NELFB: variants seen among roughly 807,000 people sequenced by gnomAD.
NELFB encodes the protein negative elongation factor B.
In NELFB, 34 loss-of-function variants were observed where a neutral mutation model predicts 60.2. That is an observed-to-expected ratio of 0.56 (90% CI 0.43 to 0.75). NELFB has a LOEUF of 0.75. Ranked by LOEUF, NELFB falls within the 30% of genes least tolerant of loss-of-function variation. NELFB has a pLI of 0.00. For synonymous variants in NELFB, 459 were observed against 382.1 expected (o/e 1.20, Z -2.35); for missense variants, 770 against 831.6 (o/e 0.93, Z 0.91).
intron 9 of NELFB, 59 bp downstream of exon 9, chr9:137,267,145 C>T (rs1830529773): frequency 3.7e-6 from 6 of 1,612,242 alleles, no homozygotes; most frequent in Non-Finnish European, 5.1e-6. Context: ...GCACTGTTGC[C>T]CAGGGGGCTG....
chr9:137,271,423 C>T (rs891234385), intron 10 of NELFB, among the ~76,000 whole-genome samples: 2 of 152,284 alleles, frequency 1.3e-5, no homozygotes, highest in African/African-American at 4.8e-5. Context: ...AGGCATCAGT[C>T]TGCAGGCGGC....
chr9:137,257,145 C>T, intron 4 of NELFB, 91 bp downstream of exon 4: 2 of 1,112,234 alleles, frequency 1.8e-6, no homozygotes, highest in Non-Finnish European at 2.6e-6. Context: ...ACTCTGCTGC[C>T]CTGTGAATGA....
intron 5 of NELFB, 122 bp downstream of exon 5, chr9:137,263,344 GCCCT>G (rs1165398888): frequency 2.6e-4 from 191 of 741,890 alleles, no homozygotes; most frequent in East Asian, 5.2e-4. Context: ...AGGTAGCGCT[GCCCT>G]CCCTCCCTCC....
At chr9:137,262,498 G>A (rs1830461371) in intron 4 of NELFB, among the ~76,000 whole-genome samples, 1 of 152,224 alleles carries the variant, frequency 6.6e-6, no homozygotes, top group Non-Finnish European at 1.5e-5. Context: ...CCTAGATTAT[G>A]ATTGTAGAGC....
In NELFB at chr9:137,263,159, G is replaced by A. The variant is rs772954761; in HGVS notation, c.864G>A (p.Glu288=). 2.5e-6 allele frequency: 4 copies of A among 1,613,886 alleles called. No individual in the cohort carries two copies. The highest frequency in any genetic ancestry group is 3.3e-5 in the Admixed American group (2 of 60,014). ...TGCACTACTGCACGCTGCGGGCTGA[G>A]CTGCTCATGTCCCTGCACGACCTGG... Residue 288 remains glutamate, a synonymous_variant, in exon 5 of 13, where the codon GAG becomes GAA. Transcript: ENST00000343053.
intron 3 of NELFB, 145 bp downstream of exon 3, chr9:137,256,573 C>T (rs1837555003): frequency 2.5e-6 from 2 of 807,580 alleles, no homozygotes; most frequent in Non-Finnish European, 4.0e-6. Context: ...TCTGTGCTGA[C>T]TTCTCCCACA....
intron 4 of NELFB, among the ~76,000 whole-genome samples, chr9:137,257,345 T>C (rs1197431832): frequency 1.3e-5 from 2 of 152,258 alleles, no homozygotes; most frequent in African/African-American, 2.4e-5. Flanking sequence ...TTCTTTTTCT[T>C]TGAGACGGAG....
chr9:137,267,248 A>C lies in NELFB; in HGVS notation c.1391A>C (p.Gln464Pro). 1 of 1,612,268 alleles carries C rather than the reference A, an allele frequency of 6.2e-7. No individual in the cohort carries two copies. Among genetic ancestry groups the C allele is most frequent in the Non-Finnish European group, 8.5e-7 (1 of 1,178,854 alleles). The change falls in exon 10 of 13, where the codon CAG becomes CCG. Residue 464 changes from glutamine to proline, a missense_variant. By Grantham distance (76) the Gln-to-Pro change is moderately conservative (BLOSUM62 -1). Coordinates refer to ENST00000343053, the MANE Select transcript of NELFB (RefSeq NM_015456.5). ...TGGCGCCCCGGGCGCAGGTTTCTGC[A>C]GGAGCAGCGCATGGCCTGCGAGGTG...
intron 10 of NELFB, among the ~76,000 whole-genome samples, chr9:137,271,536 CTG>C (rs1830584197): frequency 6.6e-6 from 1 of 152,252 alleles, no homozygotes; most frequent in Non-Finnish European, 1.5e-5. Context: ...CGTGAGGCGT[CTG>C]TGGGCACGAA....
chr9:137,263,953 G>T (rs1374718255), intron 5 of NELFB, among the ~76,000 whole-genome samples: 2 of 152,194 alleles, frequency 1.3e-5, no homozygotes, highest in Admixed American at 1.3e-4. Flanking sequence ...GTCACCCTCC[G>T]AGGCTTCCAT....
rs1369299299 is a variant in NELFB at position 137,272,982 on chromosome 9, C to T, written c.*54C>T. On this transcript the variant is annotated 3_prime_UTR_variant, in exon 13 of 13. Transcript: ENST00000343053. ...GGCCATGCCGAGTCGCGGCCCTGCTCAGCCGGAAGAGGCTCCCGGACCTGG... is the reference window on the plus strand; with the variant it reads ...GGCCATGCCGAGTCGCGGCCCTGCTTAGCCGGAAGAGGCTCCCGGACCTGG... The T allele has an allele frequency of 6.9e-6, 10 of 1,457,028 alleles. No individual in the cohort carries two copies. In the South Asian group the frequency reaches 9.9e-5, roughly 14 times the overall value. The allele number at this position is 1,457,028 out of a possible 1,614,324, so 90.3% of individuals were successfully genotyped here.
At chr9:137,268,748 G>A (rs1169881769) in intron 10 of NELFB, among the ~76,000 whole-genome samples, 1 of 152,152 alleles carries the variant, frequency 6.6e-6, no homozygotes, top group Non-Finnish European at 1.5e-5. Flanking sequence ...CACAGACAGA[G>A]ATGAGAGACA....
At chr9:137,270,936 T>TGACCACG (rs1241973531) in intron 10 of NELFB, among the ~76,000 whole-genome samples, 2 of 152,196 alleles carry the variant, frequency 1.3e-5, no homozygotes, top group Admixed American at 6.5e-5. Context: ...TAAAAACCAG[T>TGACCACG]GACCACGGAC....
intron 4 of NELFB, 102 bp downstream of exon 4, chr9:137,257,156 T>C: frequency 9.9e-7 from 1 of 1,010,562 alleles, no homozygotes; most frequent in South Asian, 1.5e-5. Flanking sequence ...CTGTGAATGA[T>C]CGGGTGGTTC....
At chr9:137,261,328 C>T (rs1179223636) in intron 4 of NELFB, among the ~76,000 whole-genome samples, 10 of 115,874 alleles carry the variant, frequency 8.6e-5, no homozygotes, top group Non-Finnish European at 1.2e-4. Flanking sequence ...TAACAGAGCA[C>T]GACTCGGTTT....
In NELFB at chr9:137,265,832, A is replaced by C. The variant is rs370470566; in HGVS notation, c.1041-45A>C. 9.9e-5 allele frequency: 129 copies of C among 1,306,846 alleles called. No homozygotes were observed. The African/African-American group carries it at 1.7e-3, about 17-fold the overall frequency. The allele number at this position is 1,306,846 out of a possible 1,614,324, so 81.0% of individuals were successfully genotyped here. ...TCCTGAGGACTGTGCCGCTGAAGGG[A>C]GGGGCAACAGGCGTCGCATTAATGC... is the stretch of plus-strand genomic sequence containing the variant. On this transcript the variant is annotated intron_variant, in intron 6 of 12. Coordinates refer to ENST00000343053, the MANE Select transcript of NELFB (RefSeq NM_015456.5).
intron 10 of NELFB, 47 bp from the exon 11 acceptor site, chr9:137,272,034 G>T (rs1281576944): frequency 1.2e-6 from 2 of 1,610,608 alleles, no homozygotes; most frequent in Admixed American, 3.3e-5. Flanking sequence ...TGCCCTCTGG[G>T]GTGGGCAGGG....
chr9:137,266,184 T>A, intron 7 of NELFB, 147 bp from the exon 8 acceptor site: 1 of 774,614 alleles, frequency 1.3e-6, no homozygotes, highest in Non-Finnish European at 2.1e-6. Context: ...AGACTGCGTT[T>A]CACCCCGTGT....
intron 6 of NELFB, among the ~76,000 whole-genome samples, chr9:137,265,597 C>T (rs974020612): frequency 6.6e-6 from 1 of 151,838 alleles, no homozygotes; most frequent in Non-Finnish European, 1.5e-5. Context: ...ACTTTGTTAG[C>T]CAGGCTGGTC....
Sources: gnomAD v4.1 joint callset for allele counts (sites outside exome capture counted in the v4.1 genomes callset) on GRCh38, gnomAD v4.1.1 for gene constraint, MANE v1.5 for transcripts, NCBI Gene and HGNC (gene_info 2026-07-23, HGNC 2026-07-21) for gene names.